Variants in WDFY3 observed in about 807,000 individuals in gnomAD.
The protein encoded by WDFY3 is WD repeat and FYVE domain containing 3.
Under a neutral mutation model 409.6 loss-of-function variants are expected in WDFY3, and 66 were observed. The ratio of observed to expected loss-of-function variants is 0.16; its 90% CI spans 0.13 to 0.20. The LOEUF is 0.20. WDFY3 is among the 10% of genes least tolerant of loss of function. The pLI, the probability that WDFY3 is intolerant of heterozygous loss-of-function variation, is 1.00. For missense variants in WDFY3, 3,031 were observed against 4,298.1 expected (o/e 0.71, Z 8.24); for synonymous variants, 1,521 against 1,537.1 (o/e 0.99, Z 0.25).
rs774159332 is a variant in WDFY3 at position 84,704,328 on chromosome 4, A to G, written c.8442+10T>C. 6.4e-7 allele frequency: 1 copy of G among 1,572,018 alleles called. No homozygotes were observed. Among genetic ancestry groups the G allele is most frequent in the South Asian group, 1.2e-5 (1 of 84,320 alleles). ...TATAAAATAGAAAAACCCCAAATTT[A>G]AAGTTTTACCTGTAGCCTTAAGAAT... On this transcript the variant is annotated intron_variant, in intron 55 of 67. Transcript: ENST00000295888.
intron 17 of WDFY3, among the ~76,000 whole-genome samples, chr4:84,799,248 T>C (rs1341303917): frequency 6.6e-6 from 1 of 152,056 alleles, no homozygotes; most frequent in Non-Finnish European, 1.5e-5. Flanking sequence ...TCTCAAACTC[T>C]TGGGCCCAAG....
intron 5 of WDFY3, among the ~76,000 whole-genome samples, chr4:84,848,725 G>C (rs1209187913): frequency 2.0e-5 from 3 of 152,160 alleles, no homozygotes; most frequent in Non-Finnish European, 4.4e-5. Flanking sequence ...GGGGGATGGA[G>C]AGGAGGAGAC....
chr4:84,675,935 C>A (rs571871464), intron 67 of WDFY3, among the ~76,000 whole-genome samples: 1 of 152,124 alleles, frequency 6.6e-6, no homozygotes, highest in Admixed American at 6.5e-5. Context: ...AAATAAATTA[C>A]AAATGAATTA....
chr4:84,870,642 T>C (rs1465393236), intron 3 of WDFY3, among the ~76,000 whole-genome samples: 1 of 152,074 alleles, frequency 6.6e-6, no homozygotes, highest in Non-Finnish European at 1.5e-5. Flanking sequence ...CACTGCAGGA[T>C]GAAAGATTTT....
In WDFY3 at chr4:84,826,822, T is replaced by C. The variant is rs898044673; in HGVS notation, c.1116A>G (p.Ala372=). Residue 372 remains alanine (A), a synonymous_variant, in exon 10 of 68, where the codon GCA becomes GCG. Transcript: ENST00000295888. ...GGAAAAAACAAGACTCACCTTTGCCTGCAGGCTGAGGTACTGCAAATCCAG... is the reference window on the plus strand; with the variant it reads ...GGAAAAAACAAGACTCACCTTTGCCCGCAGGCTGAGGTACTGCAAATCCAG... ...LLPGFAVPQP[A]GKGHSVRNVQ... 6.3e-7 allele frequency: 1 copy of C among 1,597,552 alleles called. No homozygotes were observed. The highest frequency in any genetic ancestry group is 1.4e-5 in the African/African-American group (1 of 73,954).
chr4:84,863,054 C>T (rs1008463299), intron 3 of WDFY3, among the ~76,000 whole-genome samples: 25 of 152,292 alleles, frequency 1.6e-4, no homozygotes, highest in Admixed American at 1.2e-3. Context: ...TTTATAAGGA[C>T]GAATAATATT....
chr4:84,690,392 T>A, intron 61 of WDFY3, 114 bp downstream of exon 61: 1 of 1,463,856 alleles, frequency 6.8e-7, no homozygotes, highest in Non-Finnish European at 9.3e-7. Flanking sequence ...TCACTTTGGT[T>A]TTGTCCATTA....
At chr4:84,803,538 T>C (rs1040233842) in intron 15 of WDFY3, 71 bp from the exon 16 acceptor site, 2 of 1,489,024 alleles carry the variant, frequency 1.3e-6, no homozygotes, top group Non-Finnish European at 1.8e-6. Flanking sequence ...GTTACTTTCA[T>C]CCACTGATAA....
intron 32 of WDFY3, among the ~76,000 whole-genome samples, chr4:84,758,882 C>T (rs1741947090): frequency 6.6e-6 from 1 of 152,142 alleles, no homozygotes. Context: ...CTTGCCCGTG[C>T]CTATGTCCTG....
Position 84,766,313 on chromosome 4 carries a change from G to A in WDFY3, c.4909C>T (p.Leu1637Phe). The stretch of plus-strand genomic sequence containing the variant: ...ATTAGTTTTAGCAAGATATCCAGAA[G>A]TCTGTTCCTCAAAAGTATAAGATTA... ...SANLILLRNR[L>F]LDILLKLIYT... is the part of the protein sequence containing the mutation. Residue 1637 changes from leucine (L) to phenylalanine (F), a missense_variant, in exon 31 of 68, where the codon CTT (leucine) becomes TTT (phenylalanine). By Grantham distance (22) the Leu-to-Phe change is conservative (BLOSUM62 0). Around this residue, in one of 16 missense-constraint regions of WDFY3, gnomAD observed 342 missense variants for 463.7 expected, o/e 0.74. Coordinates refer to ENST00000295888, the MANE Select transcript of WDFY3 (RefSeq NM_014991.6). 6.2e-7 allele frequency: 1 copy of A among 1,601,808 alleles called. No individual in the cohort carries two copies. Among genetic ancestry groups the A allele is most frequent in the East Asian group, 2.2e-5 (1 of 44,568 alleles).
intron 49 of WDFY3, among the ~76,000 whole-genome samples, chr4:84,715,738 G>A (rs1353153716): frequency 1.4e-5 from 2 of 139,418 alleles, no homozygotes; most frequent in African/African-American, 5.4e-5. Context: ...TCGCGCCACT[G>A]CACTCCAGCC....
intron 3 of WDFY3, among the ~76,000 whole-genome samples, chr4:84,896,481 T>TA (rs1320269607): frequency 9.9e-5 from 15 of 152,036 alleles, no homozygotes; most frequent in Non-Finnish European, 1.9e-4. Flanking sequence ...TTTATAAAAC[T>TA]AAAAAAGCAT....
intron 46 of WDFY3, among the ~76,000 whole-genome samples, chr4:84,721,784 T>A (rs576645884): frequency 6.2e-4 from 94 of 152,248 alleles, no homozygotes; most frequent in Non-Finnish European, 1.1e-3. Flanking sequence ...TTCTTATCTA[T>A]AAAACTGGGA....
intron 7 of WDFY3, among the ~76,000 whole-genome samples, chr4:84,832,960 A>AT (rs1320055761): frequency 1.3e-5 from 2 of 152,060 alleles, no homozygotes; most frequent in African/African-American, 4.8e-5. Context: ...ATATTTTGAA[A>AT]TTTTTTCAAT....
chr4:84,945,912 A>G (rs960452679), intron 1 of WDFY3, among the ~76,000 whole-genome samples: 6 of 152,138 alleles, frequency 3.9e-5, no homozygotes, highest in African/African-American at 1.4e-4. Flanking sequence ...CCTCATAACA[A>G]TAAAAAAACA....
At chr4:84,909,755 CT>C (rs1206314755) in intron 2 of WDFY3, among the ~76,000 whole-genome samples, 1 of 152,128 alleles carries the variant, frequency 6.6e-6, no homozygotes, top group Admixed American at 6.5e-5. Context: ...ACTTATTGGT[CT>C]TTTCATTATT....
chr4:84,677,045 A>G (rs960060247), intron 67 of WDFY3, among the ~76,000 whole-genome samples, 154 bp downstream of exon 67: 1 of 152,226 alleles, frequency 6.6e-6, no homozygotes, highest in African/African-American at 2.4e-5. Context: ...TAATTGTAGT[A>G]ATAAAGAAGA....
At chr4:84,820,207 C>T (rs969731792) in intron 11 of WDFY3, 21 bp from the exon 12 acceptor site, 2 of 1,563,796 alleles carry the variant, frequency 1.3e-6, no homozygotes, top group Non-Finnish European at 1.7e-6. Context: ...GTTCAAAGGT[C>T]CAAATTACAA....
intron 27 of WDFY3, among the ~76,000 whole-genome samples, chr4:84,775,526 A>C (rs1745404649): frequency 6.6e-6 from 1 of 151,988 alleles, no homozygotes; most frequent in African/African-American, 2.4e-5. Flanking sequence ...TCCGAAAAAA[A>C]ATTCAATAAA....
Sources: allele counts gnomAD v4.1 joint callset (sites outside exome capture counted in the v4.1 genomes callset), GRCh38; gene constraint gnomAD v4.1.1; regional missense constraint gnomAD v4.1.1; transcripts MANE v1.5; gene names NCBI Gene and HGNC (gene_info 2026-07-23, HGNC 2026-07-21).